STEAP1B: variants seen among roughly 807,000 people sequenced by gnomAD.
STEAP1B encodes STEAP family member 1B, also known as STEAP family protein MGC87042.
STEAP1B carries 13 observed loss-of-function variants against 27.9 expected under a neutral mutation model. The observed-to-expected ratio is 0.47, with a 90% confidence interval of 0.30 to 0.74. The LOEUF is 0.74. Among genes scored for constraint, STEAP1B ranks in the 30% least tolerant of loss-of-function variants. The pLI, the probability that STEAP1B is intolerant of heterozygous loss-of-function variation, is 0.06. For missense variants in STEAP1B, 250 were observed against 298.7 expected (o/e 0.84, Z 1.20); for synonymous variants, 86 against 107.1 (o/e 0.80, Z 1.22).
intron 4 of STEAP1B, among the ~76,000 whole-genome samples, chr7:22,426,944 T>C: frequency 6.6e-6 from 1 of 152,150 alleles, no homozygotes; most frequent in East Asian, 1.9e-4. Context: ...TGGATAATAA[T>C]GTAACATCTG....
At chr7:22,471,893 CAAAAA>C (rs59453902) in intron 4 of STEAP1B, among the ~76,000 whole-genome samples, 61 of 60,196 alleles carry the variant, frequency 1.0e-3, no homozygotes, top group African/African-American at 3.3e-3. Context: ...AACCTGTCTC[CAAAAA>C]AAAAAAAAAA....
In STEAP1B at chr7:22,492,726, G is replaced by T; in HGVS notation, c.601C>A (p.Gln201Lys). Residue 201 changes from glutamine (Q) to lysine (K), a missense_variant, in exon 4 of 5, where the codon CAA (glutamine) becomes AAA (lysine). Transcript: ENST00000678116. ...KLLNWAYQQV[Q>K]QNKEDAWIEH... ...ATCCAGGCATCTTCTTTATTTTGTT[G>T]GACCTACCAGAAGGTAAATAAAGAA... The T allele has an allele frequency of 1.3e-6, 2 of 1,582,250 alleles. No individual in the cohort carries two copies. The highest frequency in any genetic ancestry group is 1.2e-5 in the South Asian group (1 of 83,838).
Position 22,493,457 on chromosome 7 carries a change from T to C in STEAP1B, c.464A>G (p.Asp155Gly), listed in dbSNP as rs1326824846. Residue 155 changes from aspartate to glycine, a missense_variant, in exon 3 of 5, where the codon GAT becomes GGT. Coordinates refer to ENST00000678116, the MANE Select transcript of STEAP1B (RefSeq NM_001382447.1). Reference protein sequence around the residue: ...TKYKKFPHWLDKWMLTRKQFG... With the variant: ...TKYKKFPHWLGKWMLTRKQFG... ...CTGCTTTCTTGTTAACATCCACTTA[T>C]CCAACCAATGTGGAAACTTCTTATA... is the stretch of plus-strand genomic sequence containing the variant. 3 of 1,613,368 alleles carry C rather than the reference T, an allele frequency of 1.9e-6. No individual in the cohort carries two copies. The highest frequency in any genetic ancestry group is 2.2e-5 in the East Asian group (1 of 44,898).
At chr7:22,485,589 AATG>A (rs1786189634) in intron 4 of STEAP1B, among the ~76,000 whole-genome samples, 2 of 152,292 alleles carry the variant, frequency 1.3e-5, no homozygotes, top group African/African-American at 4.8e-5. Flanking sequence ...CCTGACTTCA[AATG>A]ATTCTCTCAC....
chr7:22,499,760 ACT>A (rs1562588690), intron 1 of STEAP1B, among the ~76,000 whole-genome samples: 4 of 152,254 alleles, frequency 2.6e-5, no homozygotes, highest in Admixed American at 2.0e-4. Flanking sequence ...TGCACAGCAA[ACT>A]CTGGCGACTT....
At chr7:22,426,763 G>C (rs1785112692) in intron 4 of STEAP1B, among the ~76,000 whole-genome samples, 1 of 152,190 alleles carries the variant, frequency 6.6e-6, no homozygotes, top group African/African-American at 2.4e-5. Context: ...AGTAAGCCCT[G>C]CCTTGAAAGA....
chr7:22,434,401 C>T (rs1339512215), intron 4 of STEAP1B, among the ~76,000 whole-genome samples: 1 of 152,200 alleles, frequency 6.6e-6, no homozygotes, highest in South Asian at 2.1e-4. Context: ...CCATAGAGGG[C>T]TTTTCCTTCT....
intron 4 of STEAP1B, among the ~76,000 whole-genome samples, chr7:22,427,572 T>C (rs1785124869): frequency 6.6e-6 from 1 of 152,158 alleles, no homozygotes; most frequent in Non-Finnish European, 1.5e-5. Flanking sequence ...CAGTTGGAGA[T>C]ACAATTATTA....
At chr7:22,485,875 C>T (rs1198434418) in intron 4 of STEAP1B, among the ~76,000 whole-genome samples, 2 of 152,186 alleles carry the variant, frequency 1.3e-5, no homozygotes, top group Non-Finnish European at 2.9e-5. Flanking sequence ...AACCCAAGAA[C>T]TGTATTTCTA....
At chr7:22,499,083 A>C (rs1786490421) in intron 1 of STEAP1B, among the ~76,000 whole-genome samples, 1 of 152,246 alleles carries the variant, frequency 6.6e-6, no homozygotes, top group African/African-American at 2.4e-5. Flanking sequence ...AATAACAGAA[A>C]ACAACCTAGT....
At chr7:22,462,899 T>C (rs987123831) in intron 4 of STEAP1B, among the ~76,000 whole-genome samples, 14 of 152,210 alleles carry the variant, frequency 9.2e-5, no homozygotes, top group African/African-American at 3.4e-4. Context: ...ACCTGTTGTT[T>C]CCTGACTTTT....
At chr7:22,484,630 G>T (rs766812495) in intron 4 of STEAP1B, among the ~76,000 whole-genome samples, 8 of 152,176 alleles carry the variant, frequency 5.3e-5, no homozygotes, top group Non-Finnish European at 1.2e-4. Flanking sequence ...AAATCAAGGA[G>T]TCATTTCAAC....
chr7:22,480,240 A>C (rs1786044912), intron 4 of STEAP1B, among the ~76,000 whole-genome samples: 1 of 152,254 alleles, frequency 6.6e-6, no homozygotes, highest in Admixed American at 6.5e-5. Context: ...AAACAGGGTC[A>C]TAATTGTACA....
chr7:22,477,309 C>T (rs950722985), intron 4 of STEAP1B, among the ~76,000 whole-genome samples: 34 of 152,194 alleles, frequency 2.2e-4, no homozygotes, highest in African/African-American at 7.5e-4. Context: ...TTGATCTAAA[C>T]TTTTATTATT....
intron 4 of STEAP1B, among the ~76,000 whole-genome samples, chr7:22,491,948 G>A (rs190527107): frequency 3.9e-4 from 60 of 152,150 alleles, no homozygotes; most frequent in African/African-American, 1.3e-3. Context: ...TAGAATAGAG[G>A]ATATATGTAG....
chr7:22,433,643 G>A (rs886325866), intron 4 of STEAP1B, among the ~76,000 whole-genome samples: 1 of 152,220 alleles, frequency 6.6e-6, no homozygotes, highest in Admixed American at 6.5e-5. Context: ...TATTGGGCAG[G>A]AAAGATTGCA....
At chr7:22,496,982 T>C (rs1402257415) in intron 1 of STEAP1B, among the ~76,000 whole-genome samples, 3 of 152,244 alleles carry the variant, frequency 2.0e-5, no homozygotes, top group African/African-American at 7.2e-5. Context: ...GATGAAGATA[T>C]CTGTTGTTTT....
chr7:22,438,791 G>C, intron 4 of STEAP1B: 1 of 1,525,144 alleles, frequency 6.6e-7, no homozygotes, highest in South Asian at 1.2e-5. Flanking sequence ...TTTGGTGCCT[G>C]TGTAAAGTAT....
chr7:22,459,982 C>A (rs1785650841), intron 4 of STEAP1B, among the ~76,000 whole-genome samples: 1 of 152,006 alleles, frequency 6.6e-6, no homozygotes, highest in South Asian at 2.1e-4. Context: ...CGTTTAGGTC[C>A]AATCATTAAA....
Sources: allele counts gnomAD v4.1 joint callset (sites outside exome capture counted in the v4.1 genomes callset), GRCh38; gene constraint gnomAD v4.1.1; transcripts MANE v1.5; gene names NCBI Gene and HGNC (gene_info 2026-07-23, HGNC 2026-07-21).